The following ZDHHC14 variants were observed in gnomAD, a reference collection of about 807,000 sequenced individuals.
ZDHHC14 encodes palmitoyltransferase ZDHHC14.
ZDHHC14 carries 16 observed loss-of-function variants against 47.7 expected under a neutral mutation model. The ratio of observed to expected loss-of-function variants is 0.34; its 90% CI spans 0.23 to 0.51. The LOEUF (loss-of-function observed/expected upper bound fraction) is 0.51. ZDHHC14 is among the 20% of genes least tolerant of loss of function. ZDHHC14 has a pLI of 0.97. For synonymous variants in ZDHHC14, 293 were observed against 278.9 expected (o/e 1.05, Z -0.50); for missense variants, 515 against 662.5 (o/e 0.78, Z 2.44).
intron 1 of ZDHHC14, among the ~76,000 whole-genome samples, chr6:157,445,622 A>G (rs1346083509): frequency 3.9e-5 from 6 of 152,192 alleles, no homozygotes; most frequent in Non-Finnish European, 8.8e-5. Context: ...TCCTGCAGAA[A>G]TTATCTGGGA....
chr6:157,564,533 A>C (rs1782829597), intron 2 of ZDHHC14, among the ~76,000 whole-genome samples: 1 of 152,260 alleles, frequency 6.6e-6, no homozygotes, highest in Non-Finnish European at 1.5e-5. Context: ...TCAGATGTCT[A>C]GTGAGTTGTC....
At chr6:157,611,811 G>A (rs2114923834) in intron 3 of ZDHHC14, among the ~76,000 whole-genome samples, 1 of 152,282 alleles carries the variant, frequency 6.6e-6, no homozygotes, top group Admixed American at 6.5e-5. Flanking sequence ...GCATCTTTTT[G>A]ACCGGCTCCG....
chr6:157,592,935 G>A (rs1364473268), intron 2 of ZDHHC14, 53 bp from the exon 3 acceptor site: 7 of 1,544,968 alleles, frequency 4.5e-6, no homozygotes, highest in Middle Eastern at 1.8e-4. Context: ...GGGTCCCGCC[G>A]AGGCAGAGGG....
rs546617410 is a variant in ZDHHC14 at position 157,429,579 on chromosome 6, A to AAGGAAGGG, written c.245+47316_245+47317insAAGGGAGG. 2.4e-5 allele frequency among the ~76,000 whole-genome samples: 3 copies of AAGGAAGGG among 126,906 alleles called. No individual in the cohort carries two copies. In the East Asian group the frequency reaches 7.8e-4, roughly 33 times the overall value. 83.3% of individuals were successfully genotyped at this position (126,906 alleles called of 152,430 possible). On this transcript the variant is annotated intron_variant, in intron 1 of 8. Coordinates refer to ENST00000359775, the MANE Select transcript of ZDHHC14 (RefSeq NM_024630.3). ...TGTAGAAGGAAGGTAGGAAGGAAGGAAGGGAGGGAGGGAGGGAGGGAGAGA... is the reference window on the plus strand; with the variant it reads ...TGTAGAAGGAAGGTAGGAAGGAAGGAAGGAAGGGAGGGAGGGAGGGAGGGAGGGAGAGA...
chr6:157,497,867 G>C (rs1780105230), intron 1 of ZDHHC14, among the ~76,000 whole-genome samples: 1 of 152,164 alleles, frequency 6.6e-6, no homozygotes, highest in South Asian at 2.1e-4. Flanking sequence ...ACATTTTCAA[G>C]TAATTACCAT....
rs1778958570 is a variant in ZDHHC14, at chr6:157,675,662, T to C, written c.*2540T>C. The C allele has an allele frequency of 6.6e-6, 1 of 152,236 alleles. No homozygotes were observed. Among genetic ancestry groups the C allele is most frequent in the African/African-American group, 2.4e-5 (1 of 41,462 alleles). The allele number at this position is 152,236 out of a possible 1,614,324, so 9.4% of individuals were successfully genotyped here. On this transcript the variant is annotated 3_prime_UTR_variant, in exon 9 of 9. Coordinates refer to ENST00000359775, the MANE Select transcript of ZDHHC14 (RefSeq NM_024630.3). ...TGATGCCCCCTGGGGCGCCCACTTC[T>C]GTTTGTCAGGAGGGATGGTCGGAGG...
At chr6:157,496,814 C>T (rs1316950329) in intron 1 of ZDHHC14, among the ~76,000 whole-genome samples, 1 of 152,218 alleles carries the variant, frequency 6.6e-6, no homozygotes, top group African/African-American at 2.4e-5. Context: ...GTTATGGCGG[C>T]CCTAGGAATC....
intron 1 of ZDHHC14, among the ~76,000 whole-genome samples, chr6:157,454,781 A>G (rs1268788020): frequency 6.6e-6 from 1 of 152,206 alleles, no homozygotes; most frequent in Non-Finnish European, 1.5e-5. Context: ...AGTTTCTGCC[A>G]TGTTAATGGA....
intron 8 of ZDHHC14, among the ~76,000 whole-genome samples, chr6:157,654,932 G>A (rs1466339026): frequency 6.6e-6 from 1 of 151,988 alleles, no homozygotes; most frequent in Admixed American, 6.6e-5. Flanking sequence ...ACAGGGCTTC[G>A]CTATGTTGGC....
At chr6:157,523,728 C>CA (rs1246190746) in intron 1 of ZDHHC14, among the ~76,000 whole-genome samples, 12,001 of 121,168 alleles carry the variant, frequency 0.099, 1,570 homozygotes, top group African/African-American at 0.31. Context: ...CTCGCTTATA[C>CA]AAAAAAAAAA....
Position 157,647,376 on chromosome 6 carries a change from T to C in ZDHHC14, c.965+8T>C. On this transcript the variant is annotated splice_region_variant and intron_variant, in intron 7 of 8. Coordinates refer to ENST00000359775, the MANE Select transcript of ZDHHC14 (RefSeq NM_024630.3). ...TGGGCCCATCTCACCAAGGTAAGAC[T>C]CAGGACGCATCGTGCTCTTCAACAG... is the stretch of plus-strand genomic sequence containing the variant. 6.2e-7 allele frequency: 1 copy of C among 1,604,284 alleles called. No individual in the cohort carries two copies. Among genetic ancestry groups the C allele is most frequent in the Non-Finnish European group, 8.5e-7 (1 of 1,172,718 alleles).
chr6:157,520,889 T>C (rs974506260), intron 1 of ZDHHC14, among the ~76,000 whole-genome samples: 15 of 152,344 alleles, frequency 9.8e-5, no homozygotes, highest in Admixed American at 6.5e-4. Context: ...GAGGGGACAG[T>C]TCACTTTCTG....
intron 1 of ZDHHC14, among the ~76,000 whole-genome samples, chr6:157,454,944 C>T (rs1778879623): frequency 6.6e-6 from 1 of 152,224 alleles, no homozygotes; most frequent in African/African-American, 2.4e-5. Flanking sequence ...GTGCCTCTGA[C>T]AGTCCTGTGA....
chr6:157,383,853 C>T (rs1175852596), intron 1 of ZDHHC14, among the ~76,000 whole-genome samples: 2 of 152,208 alleles, frequency 1.3e-5, no homozygotes, highest in Admixed American at 6.5e-5. Flanking sequence ...ACACTCTACT[C>T]ATGCTGCTGT....
intron 1 of ZDHHC14, among the ~76,000 whole-genome samples, chr6:157,418,289 G>C (rs749734711): frequency 4.7e-5 from 7 of 150,254 alleles, no homozygotes; most frequent in Non-Finnish European, 8.9e-5. Flanking sequence ...CATGCAAATG[G>C]AATTGCTGGG....
intron 1 of ZDHHC14, among the ~76,000 whole-genome samples, chr6:157,420,282 G>A (rs894366907): frequency 6.6e-6 from 1 of 151,274 alleles, no homozygotes; most frequent in Admixed American, 6.6e-5. Context: ...GTCATTGAAG[G>A]GGTGGGCTGA....
chr6:157,431,246 T>C (rs1778333472), intron 1 of ZDHHC14, among the ~76,000 whole-genome samples: 1 of 152,180 alleles, frequency 6.6e-6, no homozygotes, highest in Admixed American at 6.5e-5. Flanking sequence ...TTGTAATTCA[T>C]CCAAATAGAT....
At chr6:157,636,878 G>A (rs971571383) in intron 5 of ZDHHC14, among the ~76,000 whole-genome samples, 3 of 152,198 alleles carry the variant, frequency 2.0e-5, no homozygotes, top group Admixed American at 1.3e-4. Context: ...CATTTCTTCG[G>A]TGTGCCACTG....
At chr6:157,476,184 A>T (rs1779478844) in intron 1 of ZDHHC14, among the ~76,000 whole-genome samples, 1 of 152,178 alleles carries the variant, frequency 6.6e-6, no homozygotes, top group Non-Finnish European at 1.5e-5. Context: ...AGATAAAATT[A>T]ACCTTTAGAT....
Sources: gnomAD v4.1 joint callset for allele counts (sites outside exome capture counted in the v4.1 genomes callset) on GRCh38, gnomAD v4.1.1 for gene constraint, MANE v1.5 for transcripts, NCBI Gene and HGNC (gene_info 2026-07-23, HGNC 2026-07-21) for gene names.